The following RELN variants were observed in gnomAD, a reference collection of about 807,000 sequenced individuals.
The protein encoded by RELN is reelin.
RELN carries 108 observed loss-of-function variants against 427.6 expected under a neutral mutation model. The observed-to-expected ratio is 0.25, with a 90% CI of 0.22 to 0.30. RELN has a LOEUF of 0.30. Ranked by LOEUF, RELN falls within the 10% of genes least tolerant of loss-of-function variation. The pLI is 1.00. For missense variants in RELN, 3,715 were observed against 4,302.8 expected, an observed-to-expected ratio of 0.86 and a Z score of 3.82; for synonymous variants, 1,524 against 1,513.4, an observed-to-expected ratio of 1.01 and a Z score of -0.16.
intron 7 of RELN, among the ~76,000 whole-genome samples, chr7:103,726,846 A>G (rs561671516): frequency 6.6e-6 from 1 of 152,208 alleles, no homozygotes; most frequent in East Asian, 1.9e-4. Context: ...TTTCAAGAAA[A>G]TCTTCACCAC....
chr7:103,479,544 T>C (rs1478388999), intron 63 of RELN, among the ~76,000 whole-genome samples: 1 of 152,098 alleles, frequency 6.6e-6, no homozygotes, highest in African/African-American at 2.4e-5. Context: ...CAGGTTTTAT[T>C]GGAAAATATG....
Position 103,898,194 on chromosome 7 carries a change from G to A in RELN, c.337+18881C>T, listed in dbSNP as rs115884406. 5.4e-3 allele frequency among the ~76,000 whole-genome samples: 816 copies of A among 151,774 alleles called. 12 individuals carry two copies. The highest frequency in any genetic ancestry group is 0.019 in the African/African-American group (777 of 41,426). Reference sequence around the variant, plus strand: ...TTCTTAAGCAGGTGAGTGTGGATATGGGTGTGTAGGTATTTGAAGAAGGAA... The same window carrying A: ...TTCTTAAGCAGGTGAGTGTGGATATAGGTGTGTAGGTATTTGAAGAAGGAA... On this transcript the variant is annotated intron_variant, in intron 2 of 64. Transcript: ENST00000428762.
chr7:103,909,854 A>T lies in RELN; in HGVS notation c.337+7221T>A, dbSNP rs1024228768. Among the ~76,000 whole-genome samples the T allele has an allele frequency of 3.7e-5, 5 of 134,140 alleles. No individual in the cohort carries two copies. The South Asian group carries it at 8.7e-4, about 23-fold the overall frequency. 88.0% of individuals were successfully genotyped at this position (134,140 alleles called of 152,430 possible). A position where few individuals can be genotyped will look rare whatever the true frequency, so the allele number is the denominator to read the frequency against. ...ATATATTTAATATATATATTTAAAT[A>T]ATTCATTTTGTAATTATACTCCTAT... is the stretch of plus-strand genomic sequence containing the variant. On this transcript the variant is annotated intron_variant, in intron 2 of 64. Transcript: ENST00000428762.
At chr7:103,913,274 G>A (rs1317222755) in intron 2 of RELN, among the ~76,000 whole-genome samples, 1 of 152,014 alleles carries the variant, frequency 6.6e-6, no homozygotes. Context: ...AGTGTAATTA[G>A]TACAATTAAA....
chr7:103,783,164 C>CTT (rs34257358), intron 3 of RELN, among the ~76,000 whole-genome samples: 2,802 of 109,278 alleles, frequency 0.026, 120 homozygotes, highest in African/African-American at 0.076. Context: ...CTCTTTCTTT[C>CTT]TTTTTTTTTT....
At chr7:103,986,129 C>T (rs1357992549) in intron 1 of RELN, among the ~76,000 whole-genome samples, 1 of 152,180 alleles carries the variant, frequency 6.6e-6, no homozygotes, top group Non-Finnish European at 1.5e-5. Context: ...TAGAGACCTC[C>T]TTTCGCTGAG....
chr7:103,600,009 G>T (rs1048897093), intron 24 of RELN, among the ~76,000 whole-genome samples: 9 of 152,098 alleles, frequency 5.9e-5, no homozygotes. Context: ...CGATCCTTCT[G>T]CCTCATTCTC....
At chr7:103,907,315 CTGAGGCAGG>C (rs58900492) in intron 2 of RELN, among the ~76,000 whole-genome samples, 9,871 of 115,866 alleles carry the variant, frequency 0.085, 741 homozygotes, top group East Asian at 0.27. Context: ...TCTCGGGAGG[CTGAGGCAGG>C]AGAACTGCTT....
chr7:103,914,560 G>A (rs772562292), intron 2 of RELN, among the ~76,000 whole-genome samples: 7 of 151,984 alleles, frequency 4.6e-5, no homozygotes, highest in South Asian at 2.1e-4. Flanking sequence ...TAATTTTATC[G>A]AGTGTTTTTT....
At chr7:103,665,770 T>A (rs1434439426) in intron 11 of RELN, among the ~76,000 whole-genome samples, 1 of 152,108 alleles carries the variant, frequency 6.6e-6, no homozygotes, top group African/African-American at 2.4e-5. Context: ...TCTGGAAAAA[T>A]GTAAGTCACT....
At chr7:103,940,005 C>T (rs1376612122) in intron 1 of RELN, among the ~76,000 whole-genome samples, 1 of 152,064 alleles carries the variant, frequency 6.6e-6, no homozygotes, top group Non-Finnish European at 1.5e-5. Context: ...ACAATCTGTA[C>T]ATGTATATTA....
chr7:103,728,008 T>A, intron 7 of RELN, 103 bp downstream of exon 7: 1 of 1,058,682 alleles, frequency 9.4e-7, no homozygotes, highest in South Asian at 1.3e-5. Flanking sequence ...TAAATCATAT[T>A]TGAATTTTCA....
chr7:103,655,421 T>C (rs77079690), intron 12 of RELN, among the ~76,000 whole-genome samples: 1,627 of 152,212 alleles, frequency 0.011, 35 homozygotes, highest in African/African-American at 0.037. Context: ...GCTAATACTC[T>C]CTGGTGACAG....
chr7:103,668,413 A>AATTAAC, intron 11 of RELN, among the ~76,000 whole-genome samples: 1 of 152,248 alleles, frequency 6.6e-6, no homozygotes, highest in South Asian at 2.1e-4. Context: ...TTATTCACAC[A>AATTAAC]ATTAACTGGT....
intron 1 of RELN, among the ~76,000 whole-genome samples, chr7:103,935,044 G>C (rs1563099748): frequency 6.6e-6 from 1 of 152,194 alleles, no homozygotes; most frequent in Non-Finnish European, 1.5e-5. Flanking sequence ...TGTTTCTTTA[G>C]CACAAGACCT....
intron 1 of RELN, among the ~76,000 whole-genome samples, chr7:103,945,054 T>C (rs555800566): frequency 6.6e-6 from 1 of 152,182 alleles, no homozygotes; most frequent in Non-Finnish European, 1.5e-5. Context: ...TCCAGTTCAC[T>C]TGCAAAATAC....
chr7:103,592,252 T>C (rs188044080), intron 27 of RELN, among the ~76,000 whole-genome samples: 48 of 152,282 alleles, frequency 3.2e-4, no homozygotes, highest in East Asian at 1.2e-3. Context: ...TGTGTTCTCA[T>C]TGTTTAGCTG....
chr7:103,558,008 T>C lies in RELN; in HGVS notation c.5571A>G (p.Thr1857=), dbSNP rs374234799. The C allele has an allele frequency of 4.7e-6, 7 of 1,504,984 alleles. No homozygotes were observed. Among genetic ancestry groups the C allele is most frequent in the South Asian group, 1.1e-5 (1 of 88,716 alleles). 93.2% of individuals were successfully genotyped at this position (1,504,984 alleles called of 1,614,324 possible). Residue 1857 remains threonine, a synonymous_variant, in exon 37 of 65, where the codon ACA becomes ACG. Transcript: ENST00000428762. ...RMLISRDLDC[T]NTMYVQFSLR... is the part of the protein sequence containing the mutation. ...GTGAAAACTGGACATACATTGTATT[T>C]GTACAATCTAGATCTCTTGAAATAA...
chr7:103,745,020 A>C (rs1390777267), intron 6 of RELN, among the ~76,000 whole-genome samples: 1 of 152,206 alleles, frequency 6.6e-6, no homozygotes, highest in Non-Finnish European at 1.5e-5. Context: ...TCCTCAGTAA[A>C]ATACTGGGAA....
Sources: gnomAD v4.1 joint callset for allele counts (sites outside exome capture counted in the v4.1 genomes callset) on GRCh38, gnomAD v4.1.1 for gene constraint, MANE v1.5 for transcripts, NCBI Gene and HGNC (gene_info 2026-07-23, HGNC 2026-07-21) for gene names.